Variants in SLC30A8 observed in about 807,000 individuals in gnomAD.
SLC30A8 encodes solute carrier family 30 member 8.
In SLC30A8, 27 loss-of-function variants were observed where a neutral mutation model predicts 36.9. The observed-to-expected ratio is 0.73, with a 90% CI of 0.54 to 1.01. The LOEUF is 1.01. Among genes scored for constraint, SLC30A8 ranks in the 50% least tolerant of loss-of-function variants. The probability of loss-of-function intolerance (pLI) is 0.00; values close to 1 mark genes in which losing one functional copy is unlikely to be tolerated. For synonymous variants in SLC30A8, 164 were observed against 172.4 expected, an observed-to-expected ratio of 0.95 and a Z score of 0.38; for missense variants, 439 against 452.0, an observed-to-expected ratio of 0.97 and a Z score of 0.26.
At chr8:117,007,433 T>A (rs1194460996) in intron 1 of SLC30A8, among the ~76,000 whole-genome samples, 2 of 152,226 alleles carry the variant, frequency 1.3e-5, no homozygotes, top group Non-Finnish European at 2.9e-5. Flanking sequence ...ATTTTAGAAT[T>A]GGAAAACTGC....
chr8:117,001,064 C>T (rs1428038437), intron 1 of SLC30A8, among the ~76,000 whole-genome samples: 1 of 152,170 alleles, frequency 6.6e-6, no homozygotes, highest in East Asian at 1.9e-4. Context: ...GTAACCTTAC[C>T]TTCCGTGTAT....
chr8:117,041,682 T>G (rs1328655836), intron 2 of SLC30A8, among the ~76,000 whole-genome samples: 1 of 151,242 alleles, frequency 6.6e-6, no homozygotes, highest in Non-Finnish European at 1.5e-5. Flanking sequence ...AGAGGTAAAC[T>G]CTGTCTCAAA....
At chr8:117,099,448 T>G (rs1025026957) in intron 2 of SLC30A8, among the ~76,000 whole-genome samples, 5 of 152,214 alleles carry the variant, frequency 3.3e-5, no homozygotes, top group African/African-American at 9.6e-5. Context: ...GCTGCTTTAC[T>G]TAATAAGAAA....
At chr8:117,022,687 A>G (rs1400977246) in intron 1 of SLC30A8, among the ~76,000 whole-genome samples, 1 of 152,244 alleles carries the variant, frequency 6.6e-6, no homozygotes, top group Non-Finnish European at 1.5e-5. Flanking sequence ...TAGAAAGCAG[A>G]AACTGGATCC....
chr8:117,116,547 T>C (rs1820455247), intron 2 of SLC30A8, among the ~76,000 whole-genome samples: 1 of 151,990 alleles, frequency 6.6e-6, no homozygotes, highest in African/African-American at 2.4e-5. Context: ...AAAAAACATA[T>C]CAGAATGCAT....
At chr8:116,957,374 G>A (rs746389681) in intron 1 of SLC30A8, among the ~76,000 whole-genome samples, 5 of 151,960 alleles carry the variant, frequency 3.3e-5, no homozygotes, top group Non-Finnish European at 5.9e-5. Flanking sequence ...GGGTTCAAGC[G>A]CTTTTTCTGT....
At chr8:116,986,983 T>C in intron 1 of SLC30A8, among the ~76,000 whole-genome samples, 1 of 152,162 alleles carries the variant, frequency 6.6e-6, no homozygotes. Context: ...TCTATATCAT[T>C]ATTGTTTAGT....
chr8:116,984,527 A>T (rs1815377275), intron 1 of SLC30A8, among the ~76,000 whole-genome samples: 1 of 152,034 alleles, frequency 6.6e-6, no homozygotes, highest in African/African-American at 2.4e-5. Context: ...ATGATGTCTC[A>T]TTGGGGTTTT....
chr8:116,990,810 A>G (rs1815614090), intron 1 of SLC30A8, among the ~76,000 whole-genome samples: 3 of 152,224 alleles, frequency 2.0e-5, no homozygotes, highest in Admixed American at 6.5e-5. Context: ...GAAACCTCGT[A>G]CTATCTTTGC....
At chr8:117,050,219 T>C (rs1284461605) in intron 2 of SLC30A8, among the ~76,000 whole-genome samples, 2 of 152,120 alleles carry the variant, frequency 1.3e-5, no homozygotes, top group Admixed American at 1.3e-4. Flanking sequence ...TCACGTCTAG[T>C]GTGTTCATCA....
At chr8:116,991,639 C>T (rs1033589886) in intron 1 of SLC30A8, among the ~76,000 whole-genome samples, 4 of 152,100 alleles carry the variant, frequency 2.6e-5, no homozygotes, top group Non-Finnish European at 4.4e-5. Context: ...ACTTAGATAT[C>T]TTTTTTATAA....
intron 2 of SLC30A8, among the ~76,000 whole-genome samples, chr8:117,062,788 T>C (rs142253427): frequency 1.3e-5 from 2 of 152,302 alleles, no homozygotes; most frequent in Non-Finnish European, 2.9e-5. Flanking sequence ...GATTCTGTCT[T>C]CCTCTCTCTT....
At chr8:117,095,363 GTAA>G (rs897570958) in intron 2 of SLC30A8, among the ~76,000 whole-genome samples, 20 of 152,076 alleles carry the variant, frequency 1.3e-4, no homozygotes, top group African/African-American at 3.9e-4. Context: ...TTACTAGTTA[GTAA>G]TAATAGTAAC....
chr8:117,149,778 A>G (rs1417550730), intron 2 of SLC30A8, among the ~76,000 whole-genome samples: 2 of 152,178 alleles, frequency 1.3e-5, no homozygotes, highest in Non-Finnish European at 2.9e-5. Context: ...CATCTACCTT[A>G]CACATATTTA....
chr8:117,089,943 T>G (rs1819036215), intron 2 of SLC30A8, among the ~76,000 whole-genome samples: 2 of 152,252 alleles, frequency 1.3e-5, no homozygotes, highest in Admixed American at 1.3e-4. Flanking sequence ...TTTACACGTG[T>G]TCTTTCTTCC....
At chr8:117,054,847 A>C (rs1201919926) in intron 2 of SLC30A8, among the ~76,000 whole-genome samples, 1 of 152,186 alleles carries the variant, frequency 6.6e-6, no homozygotes, top group East Asian at 1.9e-4. Flanking sequence ...GCTTCCACAG[A>C]ACATTTTATT....
chr8:116,978,437 C>T (rs1815128491), intron 1 of SLC30A8, among the ~76,000 whole-genome samples: 1 of 126,172 alleles, frequency 7.9e-6, no homozygotes, highest in African/African-American at 2.7e-5. Flanking sequence ...TTATTTTGAG[C>T]ATACATGATG....
At chr8:117,019,228 A>G (rs936068060) in intron 1 of SLC30A8, among the ~76,000 whole-genome samples, 1 of 152,254 alleles carries the variant, frequency 6.6e-6, no homozygotes, top group African/African-American at 2.4e-5. Context: ...AGGCCTGGCA[A>G]TAGCTGAAGC....
intron 1 of SLC30A8, among the ~76,000 whole-genome samples, chr8:117,143,502 C>T (rs962587114): frequency 6.6e-6 from 1 of 152,134 alleles, no homozygotes; most frequent in East Asian, 1.9e-4. Context: ...AAATTCACAT[C>T]ATTGTTCTGA....
Sources: gnomAD v4.1 joint callset for allele counts (sites outside exome capture counted in the v4.1 genomes callset) on GRCh38, gnomAD v4.1.1 for gene constraint, MANE v1.5 for transcripts, NCBI Gene and HGNC (gene_info 2026-07-23, HGNC 2026-07-21) for gene names.